DNAI1: variants seen among roughly 807,000 people sequenced by gnomAD.
The protein encoded by DNAI1 is dynein axonemal intermediate chain 1.
DNAI1 carries 67 observed loss-of-function variants against 92.0 expected under a neutral mutation model. The observed-to-expected ratio is 0.73, with a 90% CI of 0.60 to 0.89. DNAI1 has a LOEUF of 0.89. DNAI1 is among the 40% of genes least tolerant of loss of function. The probability of loss-of-function intolerance (pLI) is 0.00; values close to 1 mark genes in which losing one functional copy is unlikely to be tolerated. For missense variants in DNAI1, 839 were observed against 866.6 expected (o/e 0.97, Z 0.40); for synonymous variants, 323 against 319.6 (o/e 1.01, Z -0.11).
intron 13 of DNAI1, among the ~76,000 whole-genome samples, chr9:34,509,482 G>T (rs1825021268): frequency 6.6e-6 from 1 of 152,090 alleles, no homozygotes; most frequent in Admixed American, 6.6e-5. Context: ...AAAGATGAGA[G>T]TGGTGCTCTG....
chr9:34,496,965 G>A (rs554459820), intron 9 of DNAI1, 150 bp from the exon 10 acceptor site: 2 of 719,748 alleles, frequency 2.8e-6, no homozygotes, highest in East Asian at 2.7e-5. Flanking sequence ...GCTGGGCCTT[G>A]AGACATGCAG....
chr9:34,458,923 G>C lies in DNAI1; in HGVS notation c.-83G>C, dbSNP rs766124282. On this transcript the variant is annotated 5_prime_UTR_variant, in exon 1 of 20. Transcript: ENST00000242317. The surrounding 1 kb of genome is among the most constrained non-coding windows in gnomAD (Gnocchi z 6.6). ...GGTAACTGAAGTGGAAGAGAGTCCA[G>C]ATTTCTTGTGTGTGGTCAAGGAGAC... is the stretch of plus-strand genomic sequence containing the variant. 81 of 1,283,176 alleles carry C rather than the reference G, an allele frequency of 6.3e-5. No homozygotes were observed. The highest frequency in any genetic ancestry group is 8.7e-5 in the Non-Finnish European group (77 of 881,310). 79.5% of individuals were successfully genotyped at this position (1,283,176 alleles called of 1,614,324 possible).
At chr9:34,481,687 A>T (rs933300334) in intron 1 of DNAI1, among the ~76,000 whole-genome samples, 2 of 152,158 alleles carry the variant, frequency 1.3e-5, no homozygotes, top group Non-Finnish European at 2.9e-5. Context: ...GTGAAGCTGC[A>T]GACCTTCACG....
intron 1 of DNAI1, among the ~76,000 whole-genome samples, chr9:34,478,283 G>A (rs1824276917): frequency 6.6e-6 from 1 of 152,158 alleles, no homozygotes; most frequent in African/African-American, 2.4e-5. Context: ...GGGGATAAGA[G>A]CATTCAAGGG....
At chr9:34,509,912 AAAAG>A (rs1246255325) in intron 13 of DNAI1, among the ~76,000 whole-genome samples, 1 of 151,916 alleles carries the variant, frequency 6.6e-6, no homozygotes, top group African/African-American at 2.4e-5. Flanking sequence ...AAAAAAAAAA[AAAAG>A]AAAAAAAAGA....
At chr9:34,474,714 A>G (rs1356088038) in intron 1 of DNAI1, among the ~76,000 whole-genome samples, 4 of 151,752 alleles carry the variant, frequency 2.6e-5, no homozygotes, top group Admixed American at 1.3e-4. Context: ...GATTACGAGC[A>G]TGTGCCACCA....
chr9:34,517,756 T>C lies in DNAI1; in HGVS notation c.2001+289T>C, dbSNP rs145935803. ...TGCAGAGGCAAATGTGGAGGTATCA[T>C]TGATTTCTTCCCAGTGGAAATGCTG... On this transcript the variant is annotated intron_variant, in intron 19 of 19. Transcript: ENST00000242317. Among the ~76,000 whole-genome samples, 513 of 152,312 alleles carry C rather than the reference T, an allele frequency of 3.4e-3. 1 individual carries two copies. The highest frequency in any genetic ancestry group is 0.011 in the African/African-American group (476 of 41,580).
intron 1 of DNAI1, among the ~76,000 whole-genome samples, chr9:34,468,182 GA>G (rs1564026661): frequency 6.9e-6 from 1 of 144,912 alleles, no homozygotes; most frequent in East Asian, 1.9e-4. Flanking sequence ...CAGAGAGGAA[GA>G]AGGCTTTTTT....
chr9:34,465,562 A>G (rs1432488153), intron 1 of DNAI1, among the ~76,000 whole-genome samples: 2 of 152,260 alleles, frequency 1.3e-5, no homozygotes, highest in African/African-American at 2.4e-5. Flanking sequence ...GAGGTTTGTC[A>G]TGCACAATTA....
intron 1 of DNAI1, among the ~76,000 whole-genome samples, chr9:34,461,919 C>T (rs1823958153): frequency 6.6e-6 from 1 of 151,998 alleles, no homozygotes; most frequent in African/African-American, 2.4e-5. Flanking sequence ...AGGATGGGAT[C>T]CCTGGGGATG....
chr9:34,489,145 T>C, intron 4 of DNAI1, 178 bp from the exon 5 acceptor site: 1 of 690,650 alleles, frequency 1.4e-6, no homozygotes, highest in Non-Finnish European at 2.5e-6. Context: ...TTGTCTTCTC[T>C]TCCTTTTCTT....
chr9:34,465,457 A>G (rs1163911892), intron 1 of DNAI1, among the ~76,000 whole-genome samples: 1 of 152,198 alleles, frequency 6.6e-6, no homozygotes, highest in African/African-American at 2.4e-5. Context: ...TGTTAATGGA[A>G]TTCCTTCTGG....
At chr9:34,470,619 A>C (rs1824118588) in intron 1 of DNAI1, among the ~76,000 whole-genome samples, 1 of 152,256 alleles carries the variant, frequency 6.6e-6, no homozygotes, top group African/African-American at 2.4e-5. Context: ...TGTAAGCATC[A>C]AAAAATGACA....
rs374753474 is a variant in DNAI1, at chr9:34,514,673, C to T, written c.1752C>T (p.Ala584=). ...TGTTCATCTATGACCTGAACTCAGC[C>T]GTGGGTGATGTGGCCTGGGCGCCAT... ...TPMFIYDLNS[A]VGDVAWAPYS... is the part of the protein sequence containing the mutation. The change falls in exon 18 of 20, where the codon GCC becomes GCT. Residue 584 remains alanine (A), a synonymous_variant. Transcript: ENST00000242317. The T allele has an allele frequency of 2.8e-5, 45 of 1,614,138 alleles. No homozygotes were observed. Among genetic ancestry groups the T allele is most frequent in the South Asian group, 2.6e-4 (24 of 91,070 alleles).
At chr9:34,509,345 C>T (rs1052396011) in intron 13 of DNAI1, among the ~76,000 whole-genome samples, 1 of 152,132 alleles carries the variant, frequency 6.6e-6, no homozygotes, top group Non-Finnish European at 1.5e-5. Context: ...ATTTGAAGCA[C>T]CCTGCACTTA....
rs748260311 is a variant in DNAI1 at position 34,513,107 on chromosome 9, C to T, written c.1490-5C>T. ...GCTAAGCCTGCCCCTCCCTCTTTTC[C>T]CAAGGTTGTGGCACTGCCTTTGACT... is the stretch of plus-strand genomic sequence containing the variant. On this transcript the variant is annotated splice_region_variant and splice_polypyrimidine_tract_variant and intron_variant, in intron 15 of 19. Transcript: ENST00000242317. 1 of 1,613,770 alleles carries T rather than the reference C, an allele frequency of 6.2e-7. No homozygotes were observed. Among genetic ancestry groups the T allele is most frequent in the East Asian group, 2.2e-5 (1 of 44,884 alleles).
At position 34,499,080 on chromosome 9, in the gene DNAI1, A is replaced by G. The variant is rs79301296; in HGVS notation, c.902-1642A>G. ...ATTGAACTTTGATTTTTTTAATTGC[A>G]TACTCCTTTCCCTTTGGGAAAGTGT... On this transcript the variant is annotated intron_variant, in intron 10 of 19. Transcript: ENST00000242317. Among the ~76,000 whole-genome samples, 472 of 152,360 alleles carry G rather than the reference A, an allele frequency of 3.1e-3. 1 individual carries two copies. The highest frequency in any genetic ancestry group is 0.011 in the African/African-American group (442 of 41,590).
At chr9:34,493,858 T>G (rs943565493) in intron 9 of DNAI1, among the ~76,000 whole-genome samples, 6 of 152,118 alleles carry the variant, frequency 3.9e-5, no homozygotes, top group African/African-American at 4.8e-5. Flanking sequence ...AGATTTTCCA[T>G]GAAGAGCCAT....
chr9:34,508,528 A>G (rs1587086473), intron 13 of DNAI1, among the ~76,000 whole-genome samples: 2 of 152,284 alleles, frequency 1.3e-5, no homozygotes, highest in South Asian at 4.1e-4. Flanking sequence ...TAGAAACTTT[A>G]AAACTCAGGG....
Sources: allele counts gnomAD v4.1 joint callset (sites outside exome capture counted in the v4.1 genomes callset), GRCh38; gene constraint gnomAD v4.1.1; non-coding constraint Gnocchi (gnomAD v3.1); transcripts MANE v1.5; gene names NCBI Gene and HGNC (gene_info 2026-07-23, HGNC 2026-07-21).